Variants in AIFM3 observed in about 807,000 individuals in gnomAD.
AIFM3 encodes the protein AIF family member 3, also known as apoptosis-inducing factor 3.
A neutral mutation model predicts 82.7 loss-of-function variants in AIFM3; 71 were observed. The ratio of observed to expected loss-of-function variants is 0.86; its 90% CI spans 0.71 to 1.05. The LOEUF is 1.05. Among genes scored for constraint, AIFM3 ranks in the 50% least tolerant of loss-of-function variants. AIFM3 has a pLI of 0.00. For missense variants in AIFM3, 748 were observed against 816.7 expected (o/e 0.92, Z 1.03); for synonymous variants, 337 against 329.1 (o/e 1.02, Z -0.26).
intron 1 of AIFM3, among the ~76,000 whole-genome samples, 200 bp downstream of exon 1, chr22:20,967,503 A>AG (rs1229457338): frequency 5.3e-4 from 81 of 152,022 alleles, no homozygotes; most frequent in Admixed American, 5.2e-3. Flanking sequence ...GGAGAGGGGA[A>AG]GGGGGGCACG....
chr22:20,980,029 G>A lies in AIFM3; in HGVS notation c.1662G>A (p.Glu554=), dbSNP rs1923985189. The A allele has an allele frequency of 1.2e-6, 2 of 1,610,852 alleles. No individual in the cohort carries two copies. The highest frequency in any genetic ancestry group is 2.2e-5 in the East Asian group (1 of 44,884). ...KFVAFYTKGD[E]VIAVASMNYD... Reference sequence around the variant, plus strand: ...CATCCTCTCCTTGCAGAGGCGACGAGGTGATCGCCGTGGCCAGCATGAACT... The same window carrying A: ...CATCCTCTCCTTGCAGAGGCGACGAAGTGATCGCCGTGGCCAGCATGAACT... The change falls in exon 19 of 21, where the codon GAG becomes GAA. Residue 554 remains glutamate, a synonymous_variant. Coordinates refer to ENST00000440238, the MANE Select transcript of AIFM3 (RefSeq NM_001386814.1).
intron 14 of AIFM3, chr22:20,977,376 T>C: frequency 1.7e-6 from 1 of 602,494 alleles, no homozygotes; most frequent in Non-Finnish European, 2.9e-6. Context: ...AACTGGCTTC[T>C]GCTCCAGCTG....
Position 20,973,960 on chromosome 22 carries a change from A to C in AIFM3, c.355+93A>C. On this transcript the variant is annotated intron_variant, in intron 4 of 20. Transcript: ENST00000440238. ...ACCCCAGGATCTTCATCTATTAGTG[A>C]AGTCTCCTGGGCTGTGGGGAGGGGC... The C allele has an allele frequency of 2.0e-6, 3 of 1,469,586 alleles. 1 individual carries two copies. The South Asian group carries it at 4.0e-5, about 20-fold the overall frequency. The allele number at this position is 1,469,586 out of a possible 1,614,324, so 91.0% of individuals were successfully genotyped here.
chr22:20,965,920 T>A (rs964679133), upstream of AIFM3, among the ~76,000 whole-genome samples: 1 of 152,170 alleles, frequency 6.6e-6, no homozygotes, highest in African/African-American at 2.4e-5. Context: ...GCTAGAACTT[T>A]TCTGCAGTGG....
Position 20,979,276 on chromosome 22 carries a change from G to A in AIFM3, c.1483G>A (p.Val495Met), listed in dbSNP as rs1413855578. 1.3e-6 allele frequency: 2 copies of A among 1,555,602 alleles called. No individual in the cohort carries two copies. Among genetic ancestry groups the A allele is most frequent in the East Asian group, 4.8e-5 (2 of 41,326 alleles). The change falls in exon 17 of 21, where the codon GTG (valine) becomes ATG (methionine). Residue 495 changes from valine to methionine, a missense_variant. Val to Met is a conservative substitution (Grantham distance 21). This residue lies in a region of AIFM3 where 183 missense variants were observed against 158.2 expected (regional missense o/e 1.16). Transcript: ENST00000440238. The part of the protein sequence containing the change: ...HWQMAHAQGR[V>M]AAQNMLAQEA... Reference sequence around the variant, plus strand: ...CACGGCCCTGGGTCCCGCAGGGCGCGTGGCAGCCCAGAACATGTTGGCGCA... The same window carrying A: ...CACGGCCCTGGGTCCCGCAGGGCGCATGGCAGCCCAGAACATGTTGGCGCA...
upstream of AIFM3, among the ~76,000 whole-genome samples, chr22:20,966,354 A>G (rs948007160): frequency 2.0e-5 from 3 of 152,146 alleles, no homozygotes; most frequent in African/African-American, 7.2e-5. Context: ...CTTTGATGAC[A>G]AGTGGGGGAA....
At chr22:20,974,196 T>C in intron 5 of AIFM3, 24 bp downstream of exon 5, 1 of 1,608,656 alleles carries the variant, frequency 6.2e-7, no homozygotes, top group Non-Finnish European at 8.5e-7. Context: ...TGCGATGGGG[T>C]GGGAACCTGG....
intron 16 of AIFM3, 143 bp from the exon 17 acceptor site, chr22:20,979,127 TG>T: frequency 2.5e-6 from 2 of 816,188 alleles, no homozygotes; most frequent in Non-Finnish European, 2.1e-6. Flanking sequence ...AAGTGAGCAG[TG>T]GGCTGAACAA....
At chr22:20,978,195 G>A (rs1399056727) in intron 16 of AIFM3, among the ~76,000 whole-genome samples, 190 bp downstream of exon 16, 3 of 151,990 alleles carry the variant, frequency 2.0e-5, no homozygotes, top group Non-Finnish European at 4.4e-5. Flanking sequence ...CACTGAGCCA[G>A]CCATAGCTCC....
chr22:20,980,183 G>A, intron 19 of AIFM3, 59 bp downstream of exon 19: 1 of 1,533,150 alleles, frequency 6.5e-7, no homozygotes, highest in South Asian at 1.1e-5. Context: ...ACTGGCTAAG[G>A]TGCCTATGAC....
chr22:20,974,753 C>G lies in AIFM3; in HGVS notation c.657C>G (p.Ser219=). The G allele has an allele frequency of 6.2e-7, 1 of 1,613,728 alleles. No homozygotes were observed. The stretch of plus-strand genomic sequence containing the variant: ...AGACACTGCGGCAGGAGGGCTTCTC[C>G]GACCGGATCGTCCTGTGCACGCTAG... ...CAETLRQEGF[S]DRIVLCTLDR... Residue 219 remains serine, a synonymous_variant, in exon 8 of 21, where the codon TCC becomes TCG. Transcript: ENST00000440238.
chr22:20,981,015 C>T lies in AIFM3; in HGVS notation c.1802C>T (p.Thr601Met), dbSNP rs370473954. The T allele has an allele frequency of 1.2e-5, 20 of 1,614,048 alleles. No homozygotes were observed. The highest frequency in any genetic ancestry group is 2.2e-5 in the East Asian group (1 of 44,894). ...AGGACTGGCGACATGTCCTGGCTTA[C>T]GGGGAAAGGATCCTGAGCTCACATG... ...HSKTGDMSWL[T>M]GKGS Residue 601 changes from threonine to methionine, a missense_variant, in exon 21 of 21, where the codon ACG becomes ATG. Thr to Met is a moderately conservative substitution (Grantham distance 81, BLOSUM62 -1). Transcript: ENST00000440238.
Position 20,979,715 on chromosome 22 carries a change from G to T in AIFM3, c.1652+13G>T. The T allele has an allele frequency of 6.2e-7, 1 of 1,614,178 alleles. No individual in the cohort carries two copies. The highest frequency in any genetic ancestry group is 8.5e-7 in the Non-Finnish European group (1 of 1,180,010). ...CTTTTTACACTAAGTGAGAGCACCGGGGTGCAGCTTGGCGCGAAGCAGCGG... is the reference window on the plus strand; with the variant it reads ...CTTTTTACACTAAGTGAGAGCACCGTGGTGCAGCTTGGCGCGAAGCAGCGG... On this transcript the variant is annotated intron_variant, in intron 18 of 20. Transcript: ENST00000440238.
Position 20,981,164 on chromosome 22 carries a change from C to A in AIFM3, c.*133C>A. ...GAGCCCTCCCAGTGCTTGCCTTCAG[C>A]CACCTGGCTCCCCTCCTGGGAGGCC... On this transcript the variant is annotated 3_prime_UTR_variant, in exon 21 of 21. Coordinates refer to ENST00000440238, the MANE Select transcript of AIFM3 (RefSeq NM_001386814.1). 2 of 1,262,610 alleles carry A rather than the reference C, an allele frequency of 1.6e-6. No individual in the cohort carries two copies. The highest frequency in any genetic ancestry group is 2.2e-6 in the Non-Finnish European group (2 of 901,816). 78.2% of individuals were successfully genotyped at this position (1,262,610 alleles called of 1,614,324 possible).
chr22:20,979,201 G>A, intron 16 of AIFM3, 70 bp from the exon 17 acceptor site: 2 of 1,493,954 alleles, frequency 1.3e-6, no homozygotes, highest in Non-Finnish European at 1.8e-6. Context: ...GGTCCCCAGG[G>A]CATCAGGAGC....
At chr22:20,977,324 C>T in intron 14 of AIFM3, 1 of 625,960 alleles carries the variant, frequency 1.6e-6, no homozygotes, top group Non-Finnish European at 2.8e-6. Context: ...CCCAGTAACA[C>T]TCATCTCCAT....
chr22:20,966,020 T>C (rs965989073), upstream of AIFM3, among the ~76,000 whole-genome samples: 1 of 151,978 alleles, frequency 6.6e-6, no homozygotes, highest in Non-Finnish European at 1.5e-5. Flanking sequence ...TGCCTTTGAG[T>C]GGGGTGACTG....
In AIFM3 at chr22:20,979,316, G is replaced by A. The variant is rs61356271; in HGVS notation, c.1523G>A (p.Ser508Asn). The change falls in exon 17 of 21, where the codon AGC becomes AAC. Residue 508 changes from serine to asparagine, a missense_variant. This residue lies in a region of AIFM3 where 183 missense variants were observed against 158.2 expected (regional missense o/e 1.16). Coordinates refer to ENST00000440238, the MANE Select transcript of AIFM3 (RefSeq NM_001386814.1). ...ATGTTGGCGCAGGAGGCGGAGATGA[G>A]CACTGTGCCCTACCTCTGGACCGCC... ...QNMLAQEAEM[S>N]TVPYLWTAMF... The A allele has an allele frequency of 5.8e-6, 9 of 1,560,934 alleles. No homozygotes were observed. Among genetic ancestry groups the A allele is most frequent in the South Asian group, 3.5e-5 (3 of 84,806 alleles).
intron 16 of AIFM3, 84 bp from the exon 17 acceptor site, chr22:20,979,187 C>A: frequency 7.1e-7 from 1 of 1,400,708 alleles, no homozygotes; most frequent in Non-Finnish European, 9.9e-7. Context: ...CCACACGTGT[C>A]AGGGGTCCCC....
Sources: allele counts gnomAD v4.1 joint callset (sites outside exome capture counted in the v4.1 genomes callset), GRCh38; gene constraint gnomAD v4.1.1; regional missense constraint gnomAD v4.1.1; transcripts MANE v1.5; gene names NCBI Gene and HGNC (gene_info 2026-07-23, HGNC 2026-07-21).